Variants in TAMM41 observed in about 807,000 individuals in gnomAD.
TAMM41 encodes TAM41 mitochondrial translocator assembly and maintenance homolog, also known as phosphatidate cytidylyltransferase, mitochondrial.
In TAMM41, 36 loss-of-function variants were observed where a neutral mutation model predicts 44.1. That is an observed-to-expected ratio of 0.82 (90% CI 0.63 to 1.08). TAMM41 has a LOEUF of 1.08. TAMM41 is among the 50% of genes least tolerant of loss of function. The pLI is 0.00. For missense variants in TAMM41, 417 were observed against 404.3 expected (o/e 1.03, Z -0.27); for synonymous variants, 164 against 153.1 (o/e 1.07, Z -0.53).
chr3:11,826,321 C>T (rs2078747116), intron 4 of TAMM41, among the ~76,000 whole-genome samples: 1 of 152,024 alleles, frequency 6.6e-6, no homozygotes, highest in South Asian at 2.1e-4. Flanking sequence ...ATCGTTTGAG[C>T]TCAGGAATTC....
the TAMM41 span, among the ~76,000 whole-genome samples, chr3:11,753,680 T>C: frequency 3.3e-5 from 5 of 151,500 alleles, no homozygotes; most frequent in Admixed American, 2.0e-4. Flanking sequence ...GAGCTTGCAG[T>C]GAGCTGAGGT....
At chr3:11,780,952 T>C in the TAMM41 span, among the ~76,000 whole-genome samples, 29 of 152,312 alleles carry the variant, frequency 1.9e-4, no homozygotes, top group African/African-American at 6.5e-4. Flanking sequence ...GAGTGGATTT[T>C]ATCTTCTCTA....
At chr3:11,768,272 G>C in the TAMM41 span, among the ~76,000 whole-genome samples, 1 of 151,924 alleles carries the variant, frequency 6.6e-6, no homozygotes, top group Non-Finnish European at 1.5e-5. Context: ...GAGTAGCTGG[G>C]ACTACATGCA....
At chr3:11,837,417 G>A (rs1469998307) in intron 3 of TAMM41, among the ~76,000 whole-genome samples, 7 of 150,570 alleles carry the variant, frequency 4.6e-5, no homozygotes, top group African/African-American at 1.7e-4. Context: ...AAAAAAAAAA[G>A]AAGAAAGAAA....
At chr3:11,786,319 T>TTATTA (rs1559259455), downstream of TAMM41, among the ~76,000 whole-genome samples, 8 of 100,326 alleles carry the variant, frequency 8.0e-5, no homozygotes, top group South Asian at 2.1e-3. Context: ...TATTATTATT[T>TTATTA]TTTGAGATGG....
chr3:11,788,019 T>G (rs1293576400), downstream of TAMM41, among the ~76,000 whole-genome samples: 4 of 152,134 alleles, frequency 2.6e-5, no homozygotes. Context: ...TTGTGAAAAC[T>G]GCAGGCTGTG....
At chr3:11,809,324 T>C in intron 6 of TAMM41, 193 bp downstream of exon 6, 1 of 612,826 alleles carries the variant, frequency 1.6e-6, no homozygotes, top group Non-Finnish European at 2.8e-6. Context: ...AACAGAAGTA[T>C]TTTCACCATC....
the TAMM41 span, among the ~76,000 whole-genome samples, chr3:11,776,521 C>T: frequency 1.3e-5 from 2 of 152,270 alleles, no homozygotes; most frequent in South Asian, 2.1e-4. Flanking sequence ...ACAACTGCCT[C>T]GGTATTCAGC....
intron 4 of TAMM41, among the ~76,000 whole-genome samples, chr3:11,826,045 T>C (rs2078734273): frequency 6.6e-6 from 1 of 152,112 alleles, no homozygotes; most frequent in South Asian, 2.1e-4. Context: ...ACGAAAGTAA[T>C]CTGTACAAAG....
At chr3:11,736,636 C>T in the TAMM41 span, among the ~76,000 whole-genome samples, 3 of 152,126 alleles carry the variant, frequency 2.0e-5, no homozygotes, top group Non-Finnish European at 4.4e-5. Context: ...GGGGCCTCAG[C>T]GCACCCTGCT....
downstream of TAMM41, among the ~76,000 whole-genome samples, chr3:11,788,583 CCA>C (rs1359366229): frequency 5.3e-5 from 8 of 152,158 alleles, no homozygotes; most frequent in Non-Finnish European, 8.8e-5. Context: ...GCCACCATGC[CCA>C]GTCTATTTTG....
At chr3:11,812,364 T>C (rs2078114123) in intron 5 of TAMM41, among the ~76,000 whole-genome samples, 1 of 152,208 alleles carries the variant, frequency 6.6e-6, no homozygotes, top group Admixed American at 6.5e-5. Flanking sequence ...TGGCACAGCC[T>C]GAAGACACTG....
At chr3:11,813,202 A>C (rs1418129346) in intron 5 of TAMM41, among the ~76,000 whole-genome samples, 1 of 152,166 alleles carries the variant, frequency 6.6e-6, no homozygotes, top group Non-Finnish European at 1.5e-5. Flanking sequence ...GAGAAATTCT[A>C]CAGACACTGA....
the TAMM41 span, among the ~76,000 whole-genome samples, chr3:11,728,317 C>T: frequency 2.0e-5 from 3 of 152,184 alleles, no homozygotes; most frequent in Non-Finnish European, 4.4e-5. Flanking sequence ...AAATCTTGCC[C>T]TCGTTGAGCT....
chr3:11,801,873 CA>C (rs2077764825), intron 7 of TAMM41, among the ~76,000 whole-genome samples: 1 of 150,556 alleles, frequency 6.6e-6, no homozygotes, highest in African/African-American at 2.5e-5. Context: ...TAACAAAGAT[CA>C]GAGCAGAACT....
At chr3:11,779,994 T>G in the TAMM41 span, among the ~76,000 whole-genome samples, 1 of 152,144 alleles carries the variant, frequency 6.6e-6, no homozygotes, top group Admixed American at 6.5e-5. Context: ...CTTCAATCTG[T>G]CCCTTTTGGT....
At chr3:11,763,561 C>T in the TAMM41 span, among the ~76,000 whole-genome samples, 1 of 152,186 alleles carries the variant, frequency 6.6e-6, no homozygotes, top group African/African-American at 2.4e-5. Flanking sequence ...ATGTGAAAAA[C>T]AAACACATCT....
intron 7 of TAMM41, chr3:11,807,483 A>AT: frequency 6.5e-7 from 1 of 1,536,160 alleles, no homozygotes. Context: ...GTCTCAGAGA[A>AT]GGGGAAGAGG....
chr3:11,730,916 C>A, the TAMM41 span, among the ~76,000 whole-genome samples: 1 of 152,080 alleles, frequency 6.6e-6, no homozygotes, highest in Non-Finnish European at 1.5e-5. Flanking sequence ...GATGGGAAAC[C>A]CCTGGCAAAG....
Sources: gnomAD v4.1 joint callset for allele counts (sites outside exome capture counted in the v4.1 genomes callset) on GRCh38, gnomAD v4.1.1 for gene constraint, MANE v1.5 for transcripts, NCBI Gene and HGNC (gene_info 2026-07-23, HGNC 2026-07-21) for gene names.